Variants in LRRFIP2 observed in about 807,000 individuals in gnomAD.
LRRFIP2 encodes leucine-rich repeat flightless-interacting protein 2.
A neutral mutation model predicts 125.9 loss-of-function variants in LRRFIP2; 109 were observed. The ratio of observed to expected loss-of-function variants is 0.87; its 90% confidence interval spans 0.74 to 1.01. The LOEUF (loss-of-function observed/expected upper bound fraction) is 1.01. LRRFIP2 is among the 50% of genes least tolerant of loss of function. The pLI is 0.00. For synonymous variants in LRRFIP2, 291 were observed against 293.1 expected (o/e 0.99, Z 0.07); for missense variants, 850 against 862.3 (o/e 0.99, Z 0.18).
At chr3:37,055,889 C>T (rs2086702778) in intron 25 of LRRFIP2, among the ~76,000 whole-genome samples, 1 of 152,146 alleles carries the variant, frequency 6.6e-6, no homozygotes, top group Admixed American at 6.5e-5. Context: ...TTCTGCTGTC[C>T]AATACTGTAA....
At chr3:37,138,143 T>C (rs180937873) in intron 2 of LRRFIP2, among the ~76,000 whole-genome samples, 1 of 152,340 alleles carries the variant, frequency 6.6e-6, no homozygotes, top group Non-Finnish European at 1.5e-5. Flanking sequence ...GGTAAAAATG[T>C]CTCAAAGTAA....
chr3:37,132,374 T>C (rs1448974329), intron 2 of LRRFIP2, among the ~76,000 whole-genome samples: 3 of 152,212 alleles, frequency 2.0e-5, no homozygotes, highest in Admixed American at 2.0e-4. Flanking sequence ...GTACAATCTA[T>C]ATATACTAAA....
chr3:37,091,329 C>T (rs2093425675), intron 18 of LRRFIP2, 138 bp downstream of exon 18: 1 of 550,152 alleles, frequency 1.8e-6, no homozygotes, highest in African/African-American at 1.9e-5. Flanking sequence ...TTCCTATGCA[C>T]TGCAGGTTAA....
intron 4 of LRRFIP2, among the ~76,000 whole-genome samples, chr3:37,122,167 G>A (rs924096615): frequency 4.0e-5 from 6 of 148,262 alleles, no homozygotes; most frequent in South Asian, 2.1e-4. Flanking sequence ...AACACGCGGC[G>A]TTTGGTTTTT....
chr3:37,146,493 G>C (rs2095858784), intron 2 of LRRFIP2, among the ~76,000 whole-genome samples: 1 of 152,164 alleles, frequency 6.6e-6, no homozygotes, highest in Non-Finnish European at 1.5e-5. Flanking sequence ...AGGCCCCAGT[G>C]TGTGTTGTTC....
rs764370202 is a variant in LRRFIP2, at chr3:37,108,655, G to T, written c.639C>A (p.Asn213Lys). 19 of 1,610,230 alleles carry T rather than the reference G, an allele frequency of 1.2e-5. No homozygotes were observed. Among genetic ancestry groups the T allele is most frequent in the African/African-American group, 1.3e-5 (1 of 74,792 alleles). ...LASLYNGGLY[N>K]PYGPRTPSEC... ...GACTTACAGTTCGAGGACCATAAGG[G>T]TTATATAATCCACCATTGTACAATG... Residue 213 changes from asparagine (N) to lysine (K), a missense_variant, in exon 12 of 28, where the codon AAC becomes AAA. Transcript: ENST00000336686.
At chr3:37,154,414 A>G (rs571945620) in intron 1 of LRRFIP2, among the ~76,000 whole-genome samples, 179 of 152,338 alleles carry the variant, frequency 1.2e-3, no homozygotes, top group Non-Finnish European at 2.3e-3. Flanking sequence ...TTCTACCCTA[A>G]GGTTTCCTCA....
chr3:37,067,396 G>C (rs1242684122), intron 21 of LRRFIP2: 1 of 152,180 alleles, frequency 6.6e-6, no homozygotes, highest in African/African-American at 2.4e-5. Context: ...GTCTATGCAG[G>C]AATCTGATTA....
chr3:37,097,318 G>C (rs2093773219), intron 15 of LRRFIP2, among the ~76,000 whole-genome samples: 1 of 151,848 alleles, frequency 6.6e-6, no homozygotes, highest in Non-Finnish European at 1.5e-5. Flanking sequence ...AAAAATTCTA[G>C]TAAGTGTCCC....
At chr3:37,173,650 T>A (rs565018832) in intron 1 of LRRFIP2, among the ~76,000 whole-genome samples, 1 of 152,190 alleles carries the variant, frequency 6.6e-6, no homozygotes, top group Non-Finnish European at 1.5e-5. Context: ...GACAGAAGAA[T>A]TTTATTTCCT....
intron 1 of LRRFIP2, among the ~76,000 whole-genome samples, chr3:37,151,472 C>G (rs1054322964): frequency 1.3e-5 from 2 of 151,966 alleles, no homozygotes; most frequent in African/African-American, 4.8e-5. Flanking sequence ...TCAGAGTTCT[C>G]TAATCATCTT....
intron 2 of LRRFIP2, among the ~76,000 whole-genome samples, chr3:37,133,083 G>A (rs2095471086): frequency 6.6e-6 from 1 of 152,104 alleles, no homozygotes; most frequent in Non-Finnish European, 1.5e-5. Context: ...AAATTAGCTG[G>A]GCGTGGTGGT....
chr3:37,063,625 CACTT>C (rs1230017020), intron 24 of LRRFIP2, 113 bp downstream of exon 24: 14 of 771,026 alleles, frequency 1.8e-5, no homozygotes, highest in Non-Finnish European at 2.5e-5. Context: ...CTTCATATCT[CACTT>C]GAGTACTGAT....
chr3:37,139,007 C>A (rs79635736), intron 2 of LRRFIP2, among the ~76,000 whole-genome samples: 3,726 of 152,260 alleles, frequency 0.024, 65 homozygotes, highest in African/African-American at 0.039. Context: ...GACAGTCAAC[C>A]TGATAACAGA....
chr3:37,117,570 T>C (rs563316131), intron 6 of LRRFIP2, among the ~76,000 whole-genome samples: 9 of 151,790 alleles, frequency 5.9e-5, no homozygotes, highest in Admixed American at 2.0e-4. Flanking sequence ...GCTATAACCA[T>C]AGAGAAAAAA....
chr3:37,054,085 C>T, intron 27 of LRRFIP2, 124 bp from the exon 28 acceptor site: 2 of 677,792 alleles, frequency 3.0e-6, no homozygotes, highest in Admixed American at 2.4e-5. Context: ...GGACCCACAA[C>T]CTCATTTTTT....
At chr3:37,167,920 G>A (rs918656930) in intron 1 of LRRFIP2, among the ~76,000 whole-genome samples, 10 of 152,192 alleles carry the variant, frequency 6.6e-5, no homozygotes, top group African/African-American at 2.4e-4. Context: ...AGGCTACAGT[G>A]AGCTGTGGTC....
rs186274725 is a variant in LRRFIP2, at chr3:37,124,550, C to G, written c.229-2859G>C. On this transcript the variant is annotated intron_variant, in intron 4 of 27. Transcript: ENST00000336686. Reference sequence around the variant, plus strand: ...CTGGTAGCAATTCTATTTTTAAGAGCTAGAAGAGTCCTTAGAGATCATCTA... The same window carrying G: ...CTGGTAGCAATTCTATTTTTAAGAGGTAGAAGAGTCCTTAGAGATCATCTA... Among the ~76,000 whole-genome samples the G allele has an allele frequency of 5.8e-4, 88 of 152,250 alleles. 1 individual carries two copies. The highest frequency in any genetic ancestry group is 5.7e-3 in the Admixed American group (87 of 15,284).
intron 17 of LRRFIP2, 108 bp downstream of exon 17, chr3:37,094,684 G>A (rs2093634466): frequency 1.4e-6 from 1 of 709,996 alleles, no homozygotes; most frequent in Admixed American, 2.3e-5. Context: ...TTTTTAAAAA[G>A]AAATCATATT....
Sources: gnomAD v4.1 joint callset for allele counts (sites outside exome capture counted in the v4.1 genomes callset) on GRCh38, gnomAD v4.1.1 for gene constraint, MANE v1.5 for transcripts, NCBI Gene and HGNC (gene_info 2026-07-23, HGNC 2026-07-21) for gene names.